MAP3K19: variants seen among roughly 807,000 people sequenced by gnomAD.
MAP3K19 encodes SPS1/STE20-related protein kinase YSK4.
MAP3K19 carries 91 observed loss-of-function variants against 114.4 expected under a neutral mutation model. The observed-to-expected ratio is 0.80, with a 90% confidence interval of 0.67 to 0.95. MAP3K19 has a LOEUF of 0.95. Among genes scored for constraint, MAP3K19 ranks in the 40% least tolerant of loss-of-function variants. The pLI is 0.00. For missense variants in MAP3K19, 1,471 were observed against 1,573.2 expected (o/e 0.94, Z 1.10); for synonymous variants, 518 against 530.5 (o/e 0.98, Z 0.32).
intron 5 of MAP3K19, among the ~76,000 whole-genome samples, chr2:135,006,146 A>G (rs1574001807): frequency 6.6e-6 from 1 of 152,256 alleles, no homozygotes; most frequent in East Asian, 1.9e-4. Flanking sequence ...AAGTACTCCA[A>G]ACATTTTAAA....
chr2:135,031,634 G>A (rs1222715865), intron 2 of MAP3K19, among the ~76,000 whole-genome samples: 1 of 152,184 alleles, frequency 6.6e-6, no homozygotes, highest in African/African-American at 2.4e-5. Context: ...CACTCTGACT[G>A]CTGAAATAGA....
At chr2:135,018,117 C>T (rs1342197405) in intron 5 of MAP3K19, among the ~76,000 whole-genome samples, 1 of 151,728 alleles carries the variant, frequency 6.6e-6, no homozygotes. Context: ...CATAGAGAAA[C>T]CCCGTCTCTA....
intron 9 of MAP3K19, among the ~76,000 whole-genome samples, chr2:134,989,906 A>AC (rs1685437169): frequency 6.6e-6 from 1 of 152,018 alleles, no homozygotes; most frequent in African/African-American, 2.4e-5. Flanking sequence ...ACATGGTGAA[A>AC]CCCCATCTCT....
chr2:135,037,430 T>C (rs62168937), intron 2 of MAP3K19, among the ~76,000 whole-genome samples: 6,375 of 152,278 alleles, frequency 0.042, 159 homozygotes, highest in African/African-American at 0.056. Context: ...GTAGCTTTCA[T>C]TGAATGTTAT....
chr2:134,983,758 A>G lies in MAP3K19; in HGVS notation c.3140T>C (p.Ile1047Thr), dbSNP rs1271574287. 6.2e-7 allele frequency: 1 copy of G among 1,607,694 alleles called. No homozygotes were observed. Among genetic ancestry groups the G allele is most frequent in the African/African-American group, 1.3e-5 (1 of 74,680 alleles). Residue 1047 changes from isoleucine (I) to threonine (T), a missense_variant, in exon 11 of 13, where the codon ATA (isoleucine) becomes ACA (threonine). Coordinates refer to ENST00000392915, the MANE Select transcript of MAP3K19 (RefSeq NM_025052.5). ...EKFLISNEKKIFSENSLKSEE... is the reference protein window; with the variant it reads ...EKFLISNEKKTFSENSLKSEE... ...AGACTTTAAACTATTTTCAGAAAAT[A>G]TCTTCTTTTCATTTGAGATGAGAAA...
At chr2:135,046,888 A>G (rs1032750834) in intron 1 of MAP3K19, among the ~76,000 whole-genome samples, 1 of 152,258 alleles carries the variant, frequency 6.6e-6, no homozygotes, top group Non-Finnish European at 1.5e-5. Flanking sequence ...TTAAACTAAA[A>G]GATTACCCCT....
intron 11 of MAP3K19, chr2:134,983,440 T>C: frequency 3.4e-6 from 2 of 595,028 alleles, no homozygotes; most frequent in East Asian, 6.3e-5. Flanking sequence ...CATTGTCTGA[T>C]CCCTGAAGCC....
chr2:135,035,966 C>G (rs1688517125), intron 2 of MAP3K19, among the ~76,000 whole-genome samples: 1 of 152,162 alleles, frequency 6.6e-6, no homozygotes, highest in South Asian at 2.1e-4. Context: ...TCCTGAGTAG[C>G]TGGGATTACA....
At chr2:134,996,311 C>A (rs191636170) in intron 8 of MAP3K19, among the ~76,000 whole-genome samples, 1 of 150,160 alleles carries the variant, frequency 6.7e-6, no homozygotes, top group East Asian at 2.0e-4. Flanking sequence ...AAGTGATCCG[C>A]CCATCTTGGC....
At chr2:134,973,902 G>T (rs1268429243) in intron 12 of MAP3K19, among the ~76,000 whole-genome samples, 1 of 152,172 alleles carries the variant, frequency 6.6e-6, no homozygotes, top group Non-Finnish European at 1.5e-5. Context: ...TTGCATGTCT[G>T]TGAAAGACTT....
chr2:134,975,119 C>T (rs1019354890), intron 12 of MAP3K19, among the ~76,000 whole-genome samples: 1 of 152,114 alleles, frequency 6.6e-6, no homozygotes, highest in African/African-American at 2.4e-5. Flanking sequence ...CATCCTTGGG[C>T]CCCTGGGTGA....
At chr2:135,029,137 C>A (rs1185960684) in intron 3 of MAP3K19, among the ~76,000 whole-genome samples, 5 of 152,182 alleles carry the variant, frequency 3.3e-5, no homozygotes, top group Admixed American at 1.3e-4. Context: ...CTTTGGGAGG[C>A]CGAGGCGGGC....
At chr2:135,018,731 G>A (rs1033308488) in intron 5 of MAP3K19, among the ~76,000 whole-genome samples, 2 of 152,056 alleles carry the variant, frequency 1.3e-5, no homozygotes, top group Admixed American at 6.6e-5. Flanking sequence ...TTCAACAAAT[G>A]ATAGAGGAAC....
At position 134,969,853 on chromosome 2, in the gene MAP3K19, T is replaced by C. The variant is rs184946765; in HGVS notation, c.3921-4937A>G. On this transcript the variant is annotated intron_variant, in intron 12 of 12. Coordinates refer to ENST00000392915, the MANE Select transcript of MAP3K19 (RefSeq NM_025052.5). ...TTCATCTGCATATGAATATGCACCA[T>C]ATATTGAAGAGGGTGTCAATTCCCC... Among the ~76,000 whole-genome samples the C allele has an allele frequency of 8.0e-4, 122 of 152,340 alleles. 1 individual carries two copies. Among genetic ancestry groups the C allele is most frequent in the African/African-American group, 2.5e-3 (105 of 41,586 alleles).
chr2:135,046,948 T>C (rs1688757907), intron 1 of MAP3K19, among the ~76,000 whole-genome samples: 2 of 152,338 alleles, frequency 1.3e-5, no homozygotes, highest in African/African-American at 4.8e-5. Context: ...TTCTTGTCAT[T>C]AGTAATTTAG....
At chr2:135,014,076 G>T (rs138431073) in intron 5 of MAP3K19, among the ~76,000 whole-genome samples, 1 of 152,090 alleles carries the variant, frequency 6.6e-6, no homozygotes, top group Non-Finnish European at 1.5e-5. Flanking sequence ...ACATTCATTC[G>T]GGCCAGTGGT....
chr2:134,988,855 C>G (rs900361739), intron 9 of MAP3K19, among the ~76,000 whole-genome samples: 1 of 151,966 alleles, frequency 6.6e-6, no homozygotes, highest in African/African-American at 2.4e-5. Context: ...AGATAAGAAG[C>G]ATTTTATTTC....
chr2:135,012,715 C>G (rs549576814), intron 5 of MAP3K19, among the ~76,000 whole-genome samples: 1 of 152,232 alleles, frequency 6.6e-6, no homozygotes, highest in East Asian at 1.9e-4. Context: ...CTTGATTCAT[C>G]AAAGTGAGGC....
chr2:134,984,065 G>A (rs899494372), intron 10 of MAP3K19, among the ~76,000 whole-genome samples: 2 of 152,196 alleles, frequency 1.3e-5, no homozygotes, highest in Non-Finnish European at 2.9e-5. Flanking sequence ...TATAGGAGGA[G>A]ATCTTAGTCC....
Sources: allele counts gnomAD v4.1 joint callset (sites outside exome capture counted in the v4.1 genomes callset), GRCh38; gene constraint gnomAD v4.1.1; transcripts MANE v1.5; gene names NCBI Gene and HGNC (gene_info 2026-07-23, HGNC 2026-07-21).